PLD5: variants seen among roughly 807,000 people sequenced by gnomAD.
PLD5 encodes the protein inactive phospholipase D5.
PLD5 carries 36 observed loss-of-function variants against 61.1 expected under a neutral mutation model. That is an observed-to-expected ratio of 0.59 (90% CI 0.45 to 0.78). The LOEUF (loss-of-function observed/expected upper bound fraction) is 0.78, where lower values mean the gene tolerates loss of function less well. PLD5 is among the 30% of genes least tolerant of loss of function. The pLI, the probability that PLD5 is intolerant of heterozygous loss-of-function variation, is 0.00. For synonymous variants in PLD5, 243 were observed against 242.8 expected, an observed-to-expected ratio of 1.00 and a Z score of -0.01; for missense variants, 515 against 644.4, an observed-to-expected ratio of 0.80 and a Z score of 2.17.
At position 242,307,984 on chromosome 1, in the gene PLD5, A is replaced by G. The variant is rs371396241; in HGVS notation, c.327-19454T>C. Among the ~76,000 whole-genome samples the G allele has an allele frequency of 9.8e-5, 15 of 152,332 alleles. No individual in the cohort carries two copies. The South Asian group carries it at 2.5e-3, about 25-fold the overall frequency. ...TTCTGACATATTTTAAAACTAATGA[A>G]TTCTATTATACAATATAACAGTTAC... On this transcript the variant is annotated intron_variant, in intron 2 of 9. Coordinates refer to ENST00000536534, the MANE Select transcript of PLD5 (RefSeq NM_001372062.1).
At chr1:242,479,374 T>C (rs533464540) in intron 1 of PLD5, among the ~76,000 whole-genome samples, 31 of 152,310 alleles carry the variant, frequency 2.0e-4, no homozygotes, top group South Asian at 1.7e-3. Flanking sequence ...ATGAATTGTA[T>C]TTCCATATAC....
intron 1 of PLD5, among the ~76,000 whole-genome samples, chr1:242,395,872 G>A (rs978134833): frequency 6.6e-6 from 1 of 152,038 alleles, no homozygotes; most frequent in Admixed American, 6.6e-5. Context: ...AGATGGTGAA[G>A]CCCCGTCTCT....
At chr1:242,444,638 T>C (rs12135439) in intron 1 of PLD5, among the ~76,000 whole-genome samples, 1 of 1,066 alleles carries the variant, frequency 9.4e-4, no homozygotes, top group Non-Finnish European at 1.7e-3. Flanking sequence ...ATATTATATA[T>C]TTATATAAAA....
chr1:242,313,422 C>T (rs1410947925), intron 2 of PLD5, among the ~76,000 whole-genome samples: 1 of 152,250 alleles, frequency 6.6e-6, no homozygotes, highest in Non-Finnish European at 1.5e-5. Context: ...TTGTTCACAA[C>T]TTTTAAGAGC....
intron 5 of PLD5, among the ~76,000 whole-genome samples, chr1:242,162,065 T>C (rs542214872): frequency 6.6e-6 from 1 of 152,316 alleles, no homozygotes; most frequent in African/African-American, 2.4e-5. Context: ...CATACGTTTT[T>C]TTAAAGTATA....
intron 5 of PLD5, among the ~76,000 whole-genome samples, chr1:242,214,368 C>G (rs1670010087): frequency 6.6e-6 from 1 of 152,156 alleles, no homozygotes; most frequent in South Asian, 2.1e-4. Flanking sequence ...TGATTTATTT[C>G]AGAACCTTGA....
chr1:242,262,063 T>C (rs938172332), intron 4 of PLD5, among the ~76,000 whole-genome samples: 3 of 152,150 alleles, frequency 2.0e-5, no homozygotes, highest in Non-Finnish European at 4.4e-5. Context: ...TAACCCAAAC[T>C]AGGAAAAACC....
chr1:242,373,694 G>A (rs113095653), intron 1 of PLD5, among the ~76,000 whole-genome samples: 8,764 of 152,086 alleles, frequency 0.058, 307 homozygotes, highest in Admixed American at 0.099. Context: ...GCAAACTATC[G>A]CAAGGACAGA....
intron 2 of PLD5, among the ~76,000 whole-genome samples, chr1:242,332,286 C>T (rs1158220478): frequency 3.3e-5 from 5 of 152,138 alleles, no homozygotes; most frequent in Non-Finnish European, 5.9e-5. Flanking sequence ...CAGTCTATCA[C>T]TGATGGGCAT....
At chr1:242,197,442 T>TA (rs1281024997) in intron 5 of PLD5, among the ~76,000 whole-genome samples, 2 of 152,132 alleles carry the variant, frequency 1.3e-5, no homozygotes, top group Non-Finnish European at 2.9e-5. Flanking sequence ...GTTGGCATTG[T>TA]ATGTTCCAGC....
At chr1:242,499,283 T>A (rs537051898) in intron 1 of PLD5, among the ~76,000 whole-genome samples, 2 of 152,198 alleles carry the variant, frequency 1.3e-5, no homozygotes. Flanking sequence ...AGGCTTTATA[T>A]GTGGCAAGTA....
At chr1:242,170,893 GA>G (rs1666701853) in intron 5 of PLD5, among the ~76,000 whole-genome samples, 1 of 151,754 alleles carries the variant, frequency 6.6e-6, no homozygotes, top group South Asian at 2.1e-4. Context: ...AGGACTATGT[GA>G]AAAGACCAAA....
chr1:242,354,779 T>C (rs150003870), intron 1 of PLD5, among the ~76,000 whole-genome samples: 5,189 of 151,640 alleles, frequency 0.034, 192 homozygotes, highest in African/African-American at 0.094. Context: ...ATATGGCCTT[T>C]ATTATGAAGT....
chr1:242,164,489 G>A (rs1666156292), intron 5 of PLD5, among the ~76,000 whole-genome samples: 1 of 152,112 alleles, frequency 6.6e-6, no homozygotes, highest in African/African-American at 2.4e-5. Context: ...TCAGTACATG[G>A]ACATGTTATT....
intron 8 of PLD5, among the ~76,000 whole-genome samples, chr1:242,102,660 C>G (rs967497605): frequency 1.3e-4 from 20 of 152,246 alleles, no homozygotes; most frequent in Non-Finnish European, 1.9e-4. Flanking sequence ...GTCAGTGCTC[C>G]CAGGCTCCTG....
At chr1:242,293,360 A>T (rs1675479056) in intron 2 of PLD5, among the ~76,000 whole-genome samples, 1 of 152,218 alleles carries the variant, frequency 6.6e-6, no homozygotes, top group Non-Finnish European at 1.5e-5. Flanking sequence ...CTACAGTTTC[A>T]GTTACAGTCC....
chr1:242,416,349 A>G (rs1664834981), intron 1 of PLD5, among the ~76,000 whole-genome samples: 1 of 152,164 alleles, frequency 6.6e-6, no homozygotes, highest in Admixed American at 6.5e-5. Context: ...GAAATTTTCT[A>G]TGTCAAATGT....
At chr1:242,334,474 G>A (rs1472752314) in intron 2 of PLD5, among the ~76,000 whole-genome samples, 9 of 152,274 alleles carry the variant, frequency 5.9e-5, no homozygotes, top group Middle Eastern at 3.4e-3. Context: ...AGGAAACGCC[G>A]TGATATGAGC....
chr1:242,441,277 T>A (rs960770564), intron 1 of PLD5, among the ~76,000 whole-genome samples: 1 of 152,150 alleles, frequency 6.6e-6, no homozygotes, highest in Admixed American at 6.5e-5. Flanking sequence ...GATGAAAGAT[T>A]TAACCTACTG....
Sources: gnomAD v4.1 joint callset for allele counts (sites outside exome capture counted in the v4.1 genomes callset) on GRCh38, gnomAD v4.1.1 for gene constraint, MANE v1.5 for transcripts, NCBI Gene and HGNC (gene_info 2026-07-23, HGNC 2026-07-21) for gene names.